Variants in ANO4 observed in about 807,000 individuals in gnomAD.
The protein encoded by ANO4 is anoctamin 4, also known as anoctamin-4.
A neutral mutation model predicts 141.9 loss-of-function variants in ANO4; 69 were observed. The ratio of observed to expected loss-of-function variants is 0.49; its 90% CI spans 0.40 to 0.59. The LOEUF is 0.59. Among genes scored for constraint, ANO4 ranks in the 20% least tolerant of loss-of-function variants. The pLI, the probability that ANO4 is intolerant of heterozygous loss-of-function variation, is 0.00. For synonymous variants in ANO4, 350 were observed against 394.3 expected (o/e 0.89, Z 1.33); for missense variants, 894 against 1,162.2 (o/e 0.77, Z 3.36).
At chr12:100,822,437 CCTGTTCAGGTCT>C (rs1185199527) in intron 1 of ANO4, among the ~76,000 whole-genome samples, 1 of 151,964 alleles carries the variant, frequency 6.6e-6, no homozygotes, top group Non-Finnish European at 1.5e-5. Context: ...TAGCAGTCAC[CCTGTTCAGGTCT>C]TCTTAAGGGA....
intron 1 of ANO4, among the ~76,000 whole-genome samples, chr12:100,723,390 A>G (rs1199949492): frequency 6.6e-6 from 1 of 152,064 alleles, no homozygotes; most frequent in African/African-American, 2.4e-5. Context: ...GCTTGTAGAT[A>G]GTCATCTTCT....
chr12:100,965,368 T>C (rs2043606936), intron 5 of ANO4, among the ~76,000 whole-genome samples: 1 of 152,120 alleles, frequency 6.6e-6, no homozygotes, highest in Non-Finnish European at 1.5e-5. Context: ...ACCACCATCT[T>C]GTCTCACCTG....
At chr12:100,895,439 AG>A (rs1404437688) in intron 1 of ANO4, among the ~76,000 whole-genome samples, 1 of 152,114 alleles carries the variant, frequency 6.6e-6, no homozygotes, top group Non-Finnish European at 1.5e-5. Context: ...ACACCTTGGA[AG>A]TGGGCCAGAG....
chr12:101,083,883 C>G, intron 16 of ANO4, 65 bp downstream of exon 16: 1 of 1,367,326 alleles, frequency 7.3e-7, no homozygotes, highest in Non-Finnish European at 9.7e-7. Context: ...TAACAGTAAT[C>G]ATATTGGGCA....
chr12:100,760,971 A>G (rs748951296), intron 3 of ANO4, among the ~76,000 whole-genome samples: 11 of 152,074 alleles, frequency 7.2e-5, no homozygotes, highest in Non-Finnish European at 1.3e-4. Context: ...TTCTCATCCT[A>G]TGTATCTTAA....
In ANO4 at chr12:100,779,655, C is replaced by T. The variant is rs141290890; in HGVS notation, c.358+39550C>T. 2.0e-3 allele frequency among the ~76,000 whole-genome samples: 311 copies of T among 152,260 alleles called. 3 individuals carry two copies. The highest frequency in any genetic ancestry group is 3.5e-3 in the Non-Finnish European group (238 of 68,006). On this transcript the variant is annotated intron_variant, in intron 3 of 29. Coordinates refer to the ANO4 transcript ENST00000644049. ...CTCTCCAGGAGAACCTTCTCTACCC[C>T]TCATATGTAGGTTGGTATGCCAGAC...
chr12:100,759,274 C>T (rs1355011533), intron 3 of ANO4, among the ~76,000 whole-genome samples: 2 of 152,120 alleles, frequency 1.3e-5, no homozygotes, highest in Non-Finnish European at 2.9e-5. Flanking sequence ...TGTTGCTTTC[C>T]TTTCGTGTAT....
intron 1 of ANO4, among the ~76,000 whole-genome samples, chr12:100,887,048 T>G (rs2039869516): frequency 6.6e-6 from 1 of 152,306 alleles, no homozygotes; most frequent in South Asian, 2.1e-4. Context: ...GTAAAAAAAT[T>G]TTTTAAACTA....
chr12:100,776,518 G>C (rs1294865610), intron 3 of ANO4, among the ~76,000 whole-genome samples: 2 of 152,126 alleles, frequency 1.3e-5, no homozygotes, highest in African/African-American at 4.8e-5. Flanking sequence ...CAGGGGCAAG[G>C]GCTCTAGTAT....
chr12:100,748,749 T>C (rs185362858), intron 3 of ANO4, among the ~76,000 whole-genome samples: 5 of 152,292 alleles, frequency 3.3e-5, no homozygotes, highest in East Asian at 1.9e-4. Context: ...TCTTTTTTTT[T>C]CTACTTTTTC....
chr12:100,786,868 GA>G (rs1177684373), intron 3 of ANO4, among the ~76,000 whole-genome samples: 1 of 152,098 alleles, frequency 6.6e-6, no homozygotes, highest in Non-Finnish European at 1.5e-5. Context: ...TCTTTGTACT[GA>G]AGAATTTTTT....
At chr12:100,962,985 T>G (rs992405765) in intron 5 of ANO4, among the ~76,000 whole-genome samples, 1 of 152,014 alleles carries the variant, frequency 6.6e-6, no homozygotes, top group African/African-American at 2.4e-5. Context: ...GGATATGACA[T>G]AAGGAAAAAA....
At chr12:101,039,565 ATGGCCCC>A (rs1249213650) in intron 10 of ANO4, among the ~76,000 whole-genome samples, 1 of 152,238 alleles carries the variant, frequency 6.6e-6, no homozygotes, top group African/African-American at 2.4e-5. Context: ...AGCCTTGGGC[ATGGCCCC>A]TGGGCCAGAC....
intron 8 of ANO4, among the ~76,000 whole-genome samples, chr12:101,019,764 A>G (rs1290184485): frequency 1.3e-5 from 2 of 152,148 alleles, no homozygotes; most frequent in Non-Finnish European, 2.9e-5. Context: ...CAAGACCTAG[A>G]CTTGCTATTA....
At chr12:100,815,165 A>T (rs1364230779) in intron 1 of ANO4, among the ~76,000 whole-genome samples, 1 of 152,108 alleles carries the variant, frequency 6.6e-6, no homozygotes, top group Non-Finnish European at 1.5e-5. Context: ...GTGCTTAGAG[A>T]TTAGACAGAA....
chr12:100,969,375 A>G (rs1055358377), intron 5 of ANO4, among the ~76,000 whole-genome samples: 10 of 152,168 alleles, frequency 6.6e-5, no homozygotes, highest in African/African-American at 2.4e-4. Flanking sequence ...TCAGACCAAT[A>G]TTAGAGAGTG....
At chr12:100,947,442 T>C (rs1312761802) in intron 5 of ANO4, among the ~76,000 whole-genome samples, 1 of 152,184 alleles carries the variant, frequency 6.6e-6, no homozygotes, top group East Asian at 1.9e-4. Flanking sequence ...ACTTTGCTTC[T>C]AAGACCCCAT....
chr12:100,838,372 T>C (rs1005077588), intron 1 of ANO4, among the ~76,000 whole-genome samples: 6 of 152,150 alleles, frequency 3.9e-5, no homozygotes, highest in African/African-American at 1.4e-4. Context: ...GTTTGGTTTT[T>C]GATGATTCTA....
At chr12:101,116,590 C>G in intron 24 of ANO4, 89 bp from the exon 25 acceptor site, 1 of 1,579,536 alleles carries the variant, frequency 6.3e-7, no homozygotes, top group Non-Finnish European at 8.7e-7. Flanking sequence ...TTTACAATTG[C>G]AGTGACGTCT....
Sources: gnomAD v4.1 joint callset for allele counts (sites outside exome capture counted in the v4.1 genomes callset) on GRCh38, gnomAD v4.1.1 for gene constraint, MANE v1.5 for transcripts, NCBI Gene and HGNC (gene_info 2026-07-23, HGNC 2026-07-21) for gene names.